Variants in SUV39H1 observed in about 807,000 individuals in gnomAD.
The protein encoded by SUV39H1 is histone-lysine N-methyltransferase SUV39H1.
For missense variants in SUV39H1, 180 were observed against 386.3 expected (o/e 0.47, Z 4.48); for synonymous variants, 141 against 150.5 (o/e 0.94, Z 0.46).
chrX:48,699,440 G>A (rs2062467059), intron 2 of SUV39H1, among the ~76,000 whole-genome samples: 2 of 111,504 alleles, frequency 1.8e-5, no homozygotes, highest in Admixed American at 9.5e-5. Flanking sequence ...AGAAGGGGGA[G>A]TGGCAGGATG....
At chrX:48,696,899 C>A in intron 1 of SUV39H1, 96 bp downstream of exon 1, 1 of 598,979 alleles carries the variant, frequency 1.7e-6, no homozygotes, top group South Asian at 5.8e-5. Flanking sequence ...TCCGAGGCCC[C>A]GGCGCCGGGA....
At position 48,708,082 on chromosome X, in the gene SUV39H1, G is replaced by A. The variant is rs2062497595; in HGVS notation, c.*512G>A. On this transcript the variant is annotated 3_prime_UTR_variant, in exon 6 of 6. Transcript: ENST00000376687. ...AAACTTTGTACTAGTGAAAGAAAGG[G>A]GGTCCCTGGGCTACGGGCTGAGGCT... 1 of 218,863 alleles carries A rather than the reference G, an allele frequency of 4.6e-6. No homozygotes were observed. Among genetic ancestry groups the A allele is most frequent in the Non-Finnish European group, 8.4e-6 (1 of 119,074 alleles). The allele number at this position is 218,863 out of a possible 1,213,427, so 18.0% of individuals were successfully genotyped here.
chrX:48,696,755 A>G lies in SUV39H1; in HGVS notation c.-30A>G, dbSNP rs782747800. ...GAGCGCTCTTCTCGCGAGGCCGGCT[A>G]GGCCCGAATGTCGTTAGCCGTGGGG... On this transcript the variant is annotated 5_prime_UTR_variant, in exon 1 of 6. Transcript: ENST00000376687. 2.6e-6 allele frequency: 3 copies of G among 1,137,945 alleles called. No homozygotes were observed. The highest frequency in any genetic ancestry group is 2.9e-5 in the Admixed American group (1 of 34,351). 93.8% of individuals were successfully genotyped at this position (1,137,945 alleles called of 1,213,427 possible).
chrX:48,708,584 G>A lies in SUV39H1; in HGVS notation c.*1014G>A, dbSNP rs1187760314. On this transcript the variant is annotated 3_prime_UTR_variant, in exon 6 of 6. Transcript: ENST00000376687. ...CCCATGTGGCAGAAGGCAAAGTACA[G>A]GCCAAGAATTGGGGGTGGGGGAGAT... The A allele has an allele frequency of 8.9e-6, 1 of 112,504 alleles. No individual in the cohort carries two copies. Among genetic ancestry groups the A allele is most frequent in the Non-Finnish European group, 1.9e-5 (1 of 53,133 alleles). 9.3% of individuals were successfully genotyped at this position (112,504 alleles called of 1,213,427 possible).
upstream of SUV39H1, chrX:48,696,449 A>C (rs2062455354): frequency 9.0e-6 from 2 of 223,319 alleles, no homozygotes; most frequent in Non-Finnish European, 1.6e-5. Context: ...GTATGACAGG[A>C]CTGAGGAACC....
At chrX:48,704,381 A>G (rs1178279281) in intron 3 of SUV39H1, among the ~76,000 whole-genome samples, 1 of 111,299 alleles carries the variant, frequency 9.0e-6, no homozygotes, top group African/African-American at 3.3e-5. Context: ...GCCTACGGTG[A>G]AAAAGATGGC....
In SUV39H1 at chrX:48,698,615, A is replaced by G. The variant is rs1472268108; in HGVS notation, c.20-287A>G. Among the ~76,000 whole-genome samples, 4 of 111,446 alleles carry G rather than the reference A, an allele frequency of 3.6e-5. No individual in the cohort carries two copies. In the Admixed American group the frequency reaches 3.8e-4, roughly 11 times the overall value. On this transcript the variant is annotated intron_variant, in intron 1 of 5. Coordinates refer to ENST00000376687, the MANE Select transcript of SUV39H1 (RefSeq NM_003173.4). ...AAGCAGGTTTGCAGGCAGTTTTAGG[A>G]ATGACATGGAGTTTGAAGCTCTGGA...
At position 48,706,536 on chromosome X, in the gene SUV39H1, C is replaced by T. The variant is rs1557010171; in HGVS notation, c.1014C>T (p.Asp338=). The part of the protein sequence containing the change: ...PNLQVYNVFI[D]NLDERLPRIA... ...TGCAGGTGTACAACGTCTTCATAGA[C>T]AACCTTGACGAGCGGCTGCCCCGCA... The change falls in exon 5 of 6, where the codon GAC becomes GAT. Residue 338 remains aspartate, a synonymous_variant. Coordinates refer to ENST00000376687, the MANE Select transcript of SUV39H1 (RefSeq NM_003173.4). The T allele has an allele frequency of 5.0e-6, 6 of 1,202,819 alleles. No individual in the cohort carries two copies. In the Admixed American group the frequency reaches 1.3e-4, roughly 27 times the overall value.
intron 4 of SUV39H1, 27 bp downstream of exon 4, chrX:48,706,438 G>T: frequency 1.7e-6 from 2 of 1,202,300 alleles, no homozygotes; most frequent in Non-Finnish European, 1.1e-6. Context: ...GGCGGGCAAG[G>T]GGTCGAGAGG....
intron 3 of SUV39H1, among the ~76,000 whole-genome samples, chrX:48,704,149 T>C (rs1270949864): frequency 4.5e-5 from 5 of 110,991 alleles, no homozygotes; most frequent in African/African-American, 1.6e-4. Context: ...GGAGAGCTGT[T>C]AGGGAGCAGA....
chrX:48,700,066 C>A, intron 2 of SUV39H1, 25 bp from the exon 3 acceptor site: 2 of 1,133,107 alleles, frequency 1.8e-6, no homozygotes, highest in South Asian at 2.0e-5. Flanking sequence ...TACGGTACCC[C>A]CGTCCCCCTA....
intron 2 of SUV39H1, 37 bp downstream of exon 2, chrX:48,699,084 G>C (rs1557009059): frequency 8.5e-7 from 1 of 1,175,994 alleles, no homozygotes; most frequent in East Asian, 3.0e-5. Flanking sequence ...GAGGGGACAG[G>C]TCACAAGGAA....
chrX:48,707,892 C>A lies in SUV39H1; in HGVS notation c.*322C>A. 1 of 328,998 alleles carries A rather than the reference C, an allele frequency of 3.0e-6. No individual in the cohort carries two copies. Among genetic ancestry groups the A allele is most frequent in the Non-Finnish European group, 5.7e-6 (1 of 174,547 alleles). 27.1% of individuals were successfully genotyped at this position (328,998 alleles called of 1,213,427 possible). On this transcript the variant is annotated 3_prime_UTR_variant, in exon 6 of 6. Transcript: ENST00000376687. ...GTCCAAGGGGTGAGTCCCAACCCAG[C>A]CCCAGAATATATTTGTTTTTGCACC...
chrX:48,700,720 C>G lies in SUV39H1; in HGVS notation c.795C>G (p.Arg265=). Reference sequence around the variant, plus strand: ...GCGTCCGCACCCTGGAGAAGATTCGCAAGAACAGCTTCGTCATGGAGTACG... The same window carrying G: ...GCGTCCGCACCCTGGAGAAGATTCGGAAGAACAGCTTCGTCATGGAGTACG... ...GWGVRTLEKI[R]KNSFVMEYVG... Residue 265 remains arginine (R), a synonymous_variant, in exon 3 of 6, where the codon CGC becomes CGG. Transcript: ENST00000376687. 8.3e-7 allele frequency: 1 copy of G among 1,211,117 alleles called. No homozygotes were observed. The highest frequency in any genetic ancestry group is 1.1e-6 in the Non-Finnish European group (1 of 894,921).
intron 1 of SUV39H1, 143 bp downstream of exon 1, chrX:48,696,946 A>G: frequency 9.1e-6 from 2 of 219,994 alleles, no homozygotes; most frequent in Non-Finnish European, 6.9e-6. Context: ...AGGCTCGGGG[A>G]GCGCGGGCCT....
At chrX:48,701,054 C>T (rs1344967810) in intron 3 of SUV39H1, 4 of 383,653 alleles carry the variant, frequency 1.0e-5, no homozygotes, top group Non-Finnish European at 1.9e-5. Flanking sequence ...CTTAGCATTC[C>T]TTGTAACAGG....
intron 3 of SUV39H1, among the ~76,000 whole-genome samples, chrX:48,702,185 G>A (rs1285120941): frequency 8.9e-6 from 1 of 112,301 alleles, no homozygotes; most frequent in African/African-American, 3.2e-5. Flanking sequence ...GGAGGAGGTG[G>A]GGAGGTGTCC....
Position 48,707,870 on chromosome X carries a change from C to A in SUV39H1, c.*300C>A, listed in dbSNP as rs782484207. 17 of 372,125 alleles carry A rather than the reference C, an allele frequency of 4.6e-5. No homozygotes were observed. Among genetic ancestry groups the A allele is most frequent in the Non-Finnish European group, 7.5e-5 (15 of 200,586 alleles). 30.7% of individuals were successfully genotyped at this position (372,125 alleles called of 1,213,427 possible). ...GGATTCATGGCCTATTAAGGAGGTC[C>A]AAGGGGTGAGTCCCAACCCAGCCCC... On this transcript the variant is annotated 3_prime_UTR_variant, in exon 6 of 6. Transcript: ENST00000376687.
At chrX:48,704,855 G>C (rs782346240) in intron 3 of SUV39H1, among the ~76,000 whole-genome samples, 41 of 111,218 alleles carry the variant, frequency 3.7e-4, no homozygotes, top group Non-Finnish European at 1.1e-4. Flanking sequence ...AGAGTGGACC[G>C]GGCCTGGTCC....
Sources: allele counts gnomAD v4.1 joint callset (sites outside exome capture counted in the v4.1 genomes callset), GRCh38; gene constraint gnomAD v4.1.1; transcripts MANE v1.5; gene names NCBI Gene and HGNC (gene_info 2026-07-23, HGNC 2026-07-21).